The following UBE2V1 variants were observed in gnomAD, a reference collection of about 807,000 sequenced individuals.
UBE2V1 encodes the protein ubiquitin-conjugating enzyme E2 variant 1.
Under a neutral mutation model 19.6 loss-of-function variants are expected in UBE2V1, and 15 were observed. The observed-to-expected ratio is 0.77, with a 90% CI of 0.51 to 1.18. UBE2V1 has a LOEUF of 1.18. Ranked by LOEUF, UBE2V1 falls within the 50% of genes most tolerant of loss-of-function variation. UBE2V1 has a pLI of 0.00. For synonymous variants in UBE2V1, 60 were observed against 60.7 expected, an observed-to-expected ratio of 0.99 and a Z score of 0.05; for missense variants, 125 against 184.8, an observed-to-expected ratio of 0.68 and a Z score of 1.88.
Position 50,082,638 on chromosome 20 carries a change from T to TATCTTAA in UBE2V1, c.*129_*130insTTAAGAT. On this transcript the variant is annotated 3_prime_UTR_variant, in exon 4 of 4. Coordinates refer to ENST00000371674, the MANE Select transcript of UBE2V1 (RefSeq NM_001032288.3). ...ACAGTATCTTAAGATAAATTTCCTT[T>TATCTTAA]GAATGGGAGCTTCCTTTCCGGTACT... 3 of 1,449,970 alleles carry TATCTTAA rather than the reference T, an allele frequency of 2.1e-6. No homozygotes were observed. The South Asian group carries it at 4.3e-5, about 21-fold the overall frequency. The allele number at this position is 1,449,970 out of a possible 1,614,324, so 89.8% of individuals were successfully genotyped here. A position where few individuals can be genotyped will look rare whatever the true frequency, so the allele number is the denominator to read the frequency against.
At chr20:50,110,771 C>G (rs1376616196) in intron 1 of UBE2V1, among the ~76,000 whole-genome samples, 1 of 152,184 alleles carries the variant, frequency 6.6e-6, no homozygotes, top group Non-Finnish European at 1.5e-5. Context: ...GTCTCTCCAA[C>G]TCATCTCCTT....
At chr20:50,088,997 A>C (rs987131703) in intron 2 of UBE2V1, among the ~76,000 whole-genome samples, 5 of 152,188 alleles carry the variant, frequency 3.3e-5, no homozygotes, top group Non-Finnish European at 7.3e-5. Flanking sequence ...GATCACAGTA[A>C]CTGTTGGGGA....
At chr20:50,111,001 C>A (rs1227994698) in intron 1 of UBE2V1, among the ~76,000 whole-genome samples, 1 of 152,218 alleles carries the variant, frequency 6.6e-6, no homozygotes, top group Non-Finnish European at 1.5e-5. Flanking sequence ...GCACTTACTG[C>A]TATCTGAAAT....
chr20:50,084,725 A>G (rs907530280), intron 2 of UBE2V1: 2 of 368,872 alleles, frequency 5.4e-6, no homozygotes, highest in African/African-American at 4.3e-5. Context: ...AGGGGTGCAG[A>G]CTCAGAGCTG....
chr20:50,108,897 C>T, intron 1 of UBE2V1: 1 of 981,770 alleles, frequency 1.0e-6, no homozygotes, highest in East Asian at 1.1e-4. Context: ...GCAGTAGACA[C>T]TTCTTACTAA....
chr20:50,091,698 G>C (rs1471104727), intron 2 of UBE2V1, among the ~76,000 whole-genome samples: 1 of 152,014 alleles, frequency 6.6e-6, no homozygotes, highest in Non-Finnish European at 1.5e-5. Context: ...CCGCCTCAAA[G>C]CTTTTAAAAA....
chr20:50,110,728 C>T (rs1300837555), intron 1 of UBE2V1, among the ~76,000 whole-genome samples: 12 of 151,668 alleles, frequency 7.9e-5, no homozygotes, highest in Admixed American at 7.9e-4. Context: ...TGTTTGATGG[C>T]TTCCCCTCAT....
At position 50,082,455 on chromosome 20, in the gene UBE2V1, T is replaced by A; in HGVS notation, c.*313A>T. On this transcript the variant is annotated 3_prime_UTR_variant, in exon 4 of 4. Transcript: ENST00000371674. The stretch of plus-strand genomic sequence containing the variant: ...GATTGTGTGATGTGTCTTTTCACAG[T>A]TGAGTTAGATGTGCCCCACCAGTTA... The A allele has an allele frequency of 3.4e-6, 1 of 289,896 alleles. No individual in the cohort carries two copies. The highest frequency in any genetic ancestry group is 6.5e-6 in the Non-Finnish European group (1 of 154,394). The allele number at this position is 289,896 out of a possible 1,614,324, so 18.0% of individuals were successfully genotyped here. A position where few individuals can be genotyped will look rare whatever the true frequency, so the allele number is the denominator to read the frequency against.
chr20:50,111,497 G>C, intron 1 of UBE2V1: 1 of 1,000,320 alleles, frequency 1.0e-6, no homozygotes, highest in Non-Finnish European at 1.2e-6. Flanking sequence ...GCCTGACTCA[G>C]AATCTCTCTT....
At chr20:50,104,710 A>C (rs1435041480) in intron 1 of UBE2V1, among the ~76,000 whole-genome samples, 1 of 151,050 alleles carries the variant, frequency 6.6e-6, no homozygotes, top group Non-Finnish European at 1.5e-5. Flanking sequence ...TTTTGAGATA[A>C]GTAAAATTTG....
At chr20:50,113,274 C>T (rs564693255), upstream of UBE2V1, 3 of 560,620 alleles carry the variant, frequency 5.4e-6, no homozygotes, top group Non-Finnish European at 8.1e-6. Flanking sequence ...GCCTGGAAGG[C>T]TCTTTTCCTT....
At chr20:50,094,389 A>G (rs942652453) in intron 2 of UBE2V1, among the ~76,000 whole-genome samples, 7 of 150,036 alleles carry the variant, frequency 4.7e-5, no homozygotes, top group African/African-American at 1.5e-4. Flanking sequence ...AGATAAAAAA[A>G]TAAAAAGAAA....
At chr20:50,089,905 C>T (rs1439277832) in intron 2 of UBE2V1, among the ~76,000 whole-genome samples, 1 of 152,164 alleles carries the variant, frequency 6.6e-6, no homozygotes, top group Non-Finnish European at 1.5e-5. Context: ...GGTATCACCC[C>T]AGTATGAGCC....
At chr20:50,094,165 T>C (rs1198285289) in intron 2 of UBE2V1, among the ~76,000 whole-genome samples, 1 of 132,712 alleles carries the variant, frequency 7.5e-6, no homozygotes, top group East Asian at 2.0e-4. Context: ...ATATGTAATA[T>C]ATATTACATA....
In UBE2V1 at chr20:50,087,158, G is replaced by T. The variant is rs906885325; in HGVS notation, c.172-2904C>A. ...CGCCTGTAATCTCGGCATCTGGGGG[G>T]GCCGAGGTGGGTGGATAACCTGAGG... is the stretch of plus-strand genomic sequence containing the variant. On this transcript the variant is annotated intron_variant, in intron 2 of 3. Coordinates refer to ENST00000371674, the MANE Select transcript of UBE2V1 (RefSeq NM_001032288.3). Among the ~76,000 whole-genome samples, 5 of 152,130 alleles carry T rather than the reference G, an allele frequency of 3.3e-5. No homozygotes were observed. The South Asian group carries it at 6.2e-4, about 19-fold the overall frequency.
intron 2 of UBE2V1, among the ~76,000 whole-genome samples, chr20:50,091,465 G>A (rs983987207): frequency 7.2e-6 from 1 of 138,556 alleles, no homozygotes; most frequent in African/African-American, 2.8e-5. Context: ...GCAGTGGCGC[G>A]ATCTCGGCTT....
intron 2 of UBE2V1, among the ~76,000 whole-genome samples, chr20:50,091,399 A>G (rs1301783533): frequency 7.0e-6 from 1 of 142,900 alleles, no homozygotes. Context: ...AATCAGTCAT[A>G]TAACTTAAGG....
chr20:50,108,020 C>T (rs996070185), intron 1 of UBE2V1, among the ~76,000 whole-genome samples: 1 of 152,156 alleles, frequency 6.6e-6, no homozygotes, highest in African/African-American at 2.4e-5. Flanking sequence ...GTGTGTGACA[C>T]CACATGAAGT....
At chr20:50,107,714 C>T (rs2080480354) in intron 1 of UBE2V1, among the ~76,000 whole-genome samples, 1 of 152,198 alleles carries the variant, frequency 6.6e-6, no homozygotes, top group East Asian at 1.9e-4. Flanking sequence ...TAACTCACTG[C>T]AACATTCACA....
Sources: gnomAD v4.1 joint callset for allele counts (sites outside exome capture counted in the v4.1 genomes callset) on GRCh38, gnomAD v4.1.1 for gene constraint, MANE v1.5 for transcripts, NCBI Gene and HGNC (gene_info 2026-07-23, HGNC 2026-07-21) for gene names.